The following SMC5 variants were observed in gnomAD, a reference collection of about 807,000 sequenced individuals.
The protein encoded by SMC5 is structural maintenance of chromosomes 5.
SMC5 carries 88 observed loss-of-function variants against 148.3 expected under a neutral mutation model. The ratio of observed to expected loss-of-function variants is 0.59; its 90% CI spans 0.50 to 0.71. SMC5 has a LOEUF of 0.71. Among genes scored for constraint, SMC5 ranks in the 30% least tolerant of loss-of-function variants. The pLI is 0.00. For synonymous variants in SMC5, 421 were observed against 432.8 expected, an observed-to-expected ratio of 0.97 and a Z score of 0.34; for missense variants, 1,142 against 1,298.9, an observed-to-expected ratio of 0.88 and a Z score of 1.86.
intron 9 of SMC5, among the ~76,000 whole-genome samples, chr9:70,299,702 A>C (rs1318812248): frequency 6.6e-6 from 1 of 151,574 alleles, no homozygotes; most frequent in African/African-American, 2.4e-5. Context: ...TTCTAGAATG[A>C]AAATATTAAT....
chr9:70,318,984 G>A (rs371621661), intron 15 of SMC5, 21 bp downstream of exon 15: 2 of 1,583,932 alleles, frequency 1.3e-6, no homozygotes, highest in African/African-American at 1.4e-5. Flanking sequence ...GCCTATTCAG[G>A]GGGGAGAGCA....
chr9:70,329,170 G>T (rs1036888769), intron 17 of SMC5, among the ~76,000 whole-genome samples: 1 of 152,206 alleles, frequency 6.6e-6, no homozygotes, highest in Non-Finnish European at 1.5e-5. Context: ...CCATTGTCTT[G>T]GCTGTTAACA....
At chr9:70,352,054 C>A in intron 24 of SMC5, 137 bp from the exon 25 acceptor site, 2 of 720,654 alleles carry the variant, frequency 2.8e-6, no homozygotes, top group African/African-American at 1.8e-5. Context: ...GTACTCCGGC[C>A]TGAGCAGCAG....
At position 70,282,417 on chromosome 9, in the gene SMC5, G is replaced by T. The variant is rs1465748746; in HGVS notation, c.820-5G>T. On this transcript the variant is annotated splice_region_variant and splice_polypyrimidine_tract_variant and intron_variant, in intron 6 of 24. Transcript: ENST00000361138. ...TTAACTTCTGTTTGTTGAATTATTT[G>T]CAAGGAATATGAAAATGTTCGTCAG... The T allele has an allele frequency of 6.3e-7, 1 of 1,577,346 alleles. No homozygotes were observed. Among genetic ancestry groups the T allele is most frequent in the Admixed American group, 1.9e-5 (1 of 51,784 alleles).
chr9:70,345,131 C>A (rs1161181321), intron 18 of SMC5, among the ~76,000 whole-genome samples: 1 of 151,590 alleles, frequency 6.6e-6, no homozygotes, highest in African/African-American at 2.4e-5. Context: ...AGAATGTCTT[C>A]AGAATACATT....
At chr9:70,301,626 A>C (rs1164790062) in intron 10 of SMC5, among the ~76,000 whole-genome samples, 2 of 152,198 alleles carry the variant, frequency 1.3e-5, no homozygotes, top group African/African-American at 4.8e-5. Flanking sequence ...AAGTGTACAA[A>C]GATTTACATA....
chr9:70,280,095 A>G (rs943879097), intron 5 of SMC5, among the ~76,000 whole-genome samples: 1 of 152,188 alleles, frequency 6.6e-6, no homozygotes, highest in Admixed American at 6.5e-5. Flanking sequence ...TAATCAAAGG[A>G]GTTGTTCTGA....
chr9:70,334,758 A>G (rs1299030964), intron 17 of SMC5, among the ~76,000 whole-genome samples: 1 of 152,218 alleles, frequency 6.6e-6, no homozygotes, highest in Non-Finnish European at 1.5e-5. Flanking sequence ...ATCAATACAA[A>G]GAAAACCAAC....
intron 17 of SMC5, among the ~76,000 whole-genome samples, chr9:70,324,872 G>A (rs2036037436): frequency 6.6e-6 from 1 of 151,990 alleles, no homozygotes; most frequent in Non-Finnish European, 1.5e-5. Flanking sequence ...AGAGACACAG[G>A]GCAACCAACA....
intron 10 of SMC5, 106 bp downstream of exon 10, chr9:70,300,306 G>C (rs2035324764): frequency 1.9e-6 from 2 of 1,030,598 alleles, no homozygotes; most frequent in Non-Finnish European, 2.7e-6. Flanking sequence ...TACATTATCA[G>C]ACTTGTGGCA....
chr9:70,284,799 A>G (rs1024798663), intron 7 of SMC5, among the ~76,000 whole-genome samples: 1 of 152,210 alleles, frequency 6.6e-6, no homozygotes, highest in Non-Finnish European at 1.5e-5. Flanking sequence ...TAGCCTTGCA[A>G]CAGAACACAG....
intron 8 of SMC5, among the ~76,000 whole-genome samples, chr9:70,296,710 T>G (rs140530217): frequency 2.6e-5 from 4 of 152,302 alleles, no homozygotes; most frequent in African/African-American, 7.2e-5. Flanking sequence ...TAAAACAGAT[T>G]ATGTGATGTG....
chr9:70,348,580 A>C (rs999090981), intron 22 of SMC5, among the ~76,000 whole-genome samples: 1 of 151,578 alleles, frequency 6.6e-6, no homozygotes, highest in Non-Finnish European at 1.5e-5. Flanking sequence ...GGTCCCAGCT[A>C]CTCTGGAGGC....
At chr9:70,268,234 T>C (rs939246503) in intron 3 of SMC5, among the ~76,000 whole-genome samples, 1 of 152,060 alleles carries the variant, frequency 6.6e-6, no homozygotes, top group Non-Finnish European at 1.5e-5. Context: ...TCACCTGAGA[T>C]CAGGAGTTGG....
Position 70,346,666 on chromosome 9 carries a change from CTTT to C in SMC5, c.2568+21_2568+23del, listed in dbSNP as rs757929249. 1 of 1,613,568 alleles carries C rather than the reference CTTT, an allele frequency of 6.2e-7. No individual in the cohort carries two copies. Among genetic ancestry groups the C allele is most frequent in the Non-Finnish European group, 8.5e-7 (1 of 1,179,602 alleles). ...CTCCCCATGGTATGCAGTACTCATTCTTTTTTCCCAAGCTCCTGTTTTCCCTCT... is the reference window on the plus strand; with the variant it reads ...CTCCCCATGGTATGCAGTACTCATTCTTTCCCAAGCTCCTGTTTTCCCTCT... On this transcript the variant is annotated intron_variant, in intron 19 of 24. Coordinates refer to ENST00000361138, the MANE Select transcript of SMC5 (RefSeq NM_015110.4).
chr9:70,271,000 G>A (rs1285838069), intron 3 of SMC5, among the ~76,000 whole-genome samples: 1 of 152,104 alleles, frequency 6.6e-6, no homozygotes, highest in Non-Finnish European at 1.5e-5. Flanking sequence ...CTTGGGACCA[G>A]AAGTGTTTTG....
At chr9:70,279,571 C>G (rs535307179) in intron 5 of SMC5, among the ~76,000 whole-genome samples, 1 of 152,088 alleles carries the variant, frequency 6.6e-6, no homozygotes, top group African/African-American at 2.4e-5. Context: ...AATCCCAGCA[C>G]TTTAGGAGGC....
At chr9:70,303,679 C>T (rs939134011) in intron 10 of SMC5, among the ~76,000 whole-genome samples, 1 of 152,136 alleles carries the variant, frequency 6.6e-6, no homozygotes, top group South Asian at 2.1e-4. Flanking sequence ...AACTGTTTTA[C>T]TATGTCCATC....
chr9:70,334,113 A>G (rs924919110), intron 17 of SMC5, among the ~76,000 whole-genome samples: 1 of 150,582 alleles, frequency 6.6e-6, no homozygotes, highest in Admixed American at 6.6e-5. Context: ...CCACATATTT[A>G]TGGTCAGTTG....
Sources: allele counts gnomAD v4.1 joint callset (sites outside exome capture counted in the v4.1 genomes callset), GRCh38; gene constraint gnomAD v4.1.1; transcripts MANE v1.5; gene names NCBI Gene and HGNC (gene_info 2026-07-23, HGNC 2026-07-21).